Variants in MRPS9 observed in about 807,000 individuals in gnomAD.
MRPS9 encodes mitochondrial ribosomal protein S9.
Under a neutral mutation model 59.9 loss-of-function variants are expected in MRPS9, and 45 were observed. The ratio of observed to expected loss-of-function variants is 0.75; its 90% CI spans 0.59 to 0.96. The LOEUF (loss-of-function observed/expected upper bound fraction) is 0.96. Among genes scored for constraint, MRPS9 ranks in the 40% least tolerant of loss-of-function variants. The pLI, the probability that MRPS9 is intolerant of heterozygous loss-of-function variation, is 0.00. For synonymous variants in MRPS9, 171 were observed against 166.8 expected (o/e 1.03, Z -0.19); for missense variants, 473 against 481.1 (o/e 0.98, Z 0.16).
chr2:105,059,911 C>G (rs1011902233), intron 2 of MRPS9, among the ~76,000 whole-genome samples: 4 of 151,608 alleles, frequency 2.6e-5, no homozygotes, highest in African/African-American at 9.7e-5. Context: ...CCACCTTCCC[C>G]CAGTGATTTT....
At chr2:105,055,817 A>G (rs985398873) in intron 2 of MRPS9, among the ~76,000 whole-genome samples, 1 of 152,230 alleles carries the variant, frequency 6.6e-6, no homozygotes, top group East Asian at 1.9e-4. Context: ...ATGAGTCAGC[A>G]TTTCCATGCT....
At chr2:105,096,141 G>A (rs991518571) in intron 9 of MRPS9, among the ~76,000 whole-genome samples, 2 of 151,966 alleles carry the variant, frequency 1.3e-5, no homozygotes, top group Non-Finnish European at 2.9e-5. Flanking sequence ...TATAAATTCC[G>A]ATTTGCTATG....
intron 1 of MRPS9, among the ~76,000 whole-genome samples, chr2:105,042,118 A>G (rs1184420670): frequency 5.9e-5 from 9 of 152,234 alleles, no homozygotes; most frequent in Admixed American, 5.9e-4. Flanking sequence ...TTTGTTATCT[A>G]CAGTTTCTGT....
intron 2 of MRPS9, among the ~76,000 whole-genome samples, chr2:105,050,564 T>G (rs1301658782): frequency 6.6e-6 from 1 of 152,230 alleles, no homozygotes; most frequent in Non-Finnish European, 1.5e-5. Flanking sequence ...CATAAAGAGA[T>G]GCTATTCTTC....
chr2:105,059,087 T>C (rs1171891008), intron 2 of MRPS9, among the ~76,000 whole-genome samples: 1 of 151,180 alleles, frequency 6.6e-6, no homozygotes, highest in Non-Finnish European at 1.5e-5. Flanking sequence ...TTTTTTTTTT[T>C]GGTGACCAAC....
chr2:105,054,254 A>G (rs1679761026), intron 2 of MRPS9, among the ~76,000 whole-genome samples: 1 of 152,218 alleles, frequency 6.6e-6, no homozygotes, highest in Non-Finnish European at 1.5e-5. Flanking sequence ...ACAGTAATAA[A>G]TACCATCTGC....
intron 1 of MRPS9, among the ~76,000 whole-genome samples, chr2:105,041,042 G>A (rs975881327): frequency 2.0e-5 from 3 of 152,132 alleles, no homozygotes; most frequent in African/African-American, 7.2e-5. Context: ...GTGAGAGAAT[G>A]GTGCAGAGAC....
In MRPS9 at chr2:105,089,046, G is replaced by T. The variant is rs761646174; in HGVS notation, c.552G>T (p.Leu184=). ...AAAGTCACTTGCAAGCCAAAAGTCT[G>T]CTCCCAGAAAAAACTGTAACCAGGT... ...KHQSHLQAKS[L]LPEKTVTRDV... Residue 184 remains leucine, a synonymous_variant, in exon 6 of 11, where the codon CTG becomes CTT. Transcript: ENST00000258455. The T allele has an allele frequency of 1.6e-5, 26 of 1,611,038 alleles. No homozygotes were observed. The highest frequency in any genetic ancestry group is 1.9e-5 in the Non-Finnish European group (22 of 1,178,326).
intron 4 of MRPS9, among the ~76,000 whole-genome samples, chr2:105,073,288 C>T (rs1680147696): frequency 6.6e-6 from 1 of 152,110 alleles, no homozygotes; most frequent in African/African-American, 2.4e-5. Flanking sequence ...TTGTTACTAG[C>T]AGCCAGGTTG....
intron 2 of MRPS9, among the ~76,000 whole-genome samples, chr2:105,061,109 C>CAAAAAAAAAAAA (rs751155585): frequency 2.1e-5 from 1 of 47,980 alleles, no homozygotes; most frequent in Non-Finnish European, 3.8e-5. Context: ...GACTCTGTCT[C>CAAAAAAAAAAAA]AAAAAAAAAA....
chr2:105,064,358 G>A lies in MRPS9; in HGVS notation c.316-6955G>A, dbSNP rs577289925. ...CAGGACCAGAATTATGGCTAGGCCA[G>A]ATTGAAATCTGGGGAAGAAAGCAGT... On this transcript the variant is annotated intron_variant, in intron 2 of 10. Coordinates refer to ENST00000258455, the MANE Select transcript of MRPS9 (RefSeq NM_182640.3). Among the ~76,000 whole-genome samples the A allele has an allele frequency of 5.9e-5, 9 of 152,302 alleles. No homozygotes were observed. The South Asian group carries it at 1.9e-3, about 32-fold the overall frequency.
At chr2:105,071,856 T>C (rs1680121972) in intron 4 of MRPS9, among the ~76,000 whole-genome samples, 1 of 152,178 alleles carries the variant, frequency 6.6e-6, no homozygotes, top group Non-Finnish European at 1.5e-5. Context: ...TGACTGTAGA[T>C]TTTCTTTTCT....
At chr2:105,044,904 G>A (rs989357665) in intron 1 of MRPS9, among the ~76,000 whole-genome samples, 6 of 152,178 alleles carry the variant, frequency 3.9e-5, no homozygotes, top group Non-Finnish European at 7.3e-5. Flanking sequence ...AGTTGAGTGA[G>A]GAGGAGCTCT....
intron 10 of MRPS9, among the ~76,000 whole-genome samples, chr2:105,097,621 T>C (rs185607387): frequency 1.3e-5 from 2 of 152,342 alleles, no homozygotes; most frequent in Non-Finnish European, 2.9e-5. Flanking sequence ...CATAACCTTT[T>C]ATCCAGCTTA....
chr2:105,064,584 CGATGTGGAAGCTGAAGGCAGTGACAAG>C (rs1190776874), intron 2 of MRPS9, among the ~76,000 whole-genome samples: 1 of 152,018 alleles, frequency 6.6e-6, no homozygotes, highest in Non-Finnish European at 1.5e-5. Flanking sequence ...GTGCTGTGAG[CGATGTGGAAGCTGAAGGCAGTGACAAG>C]GATGGGGAGG....
intron 5 of MRPS9, among the ~76,000 whole-genome samples, chr2:105,085,283 A>G (rs1422311600): frequency 2.6e-5 from 4 of 152,254 alleles, no homozygotes; most frequent in South Asian, 2.1e-4. Context: ...TTGATTTTGT[A>G]TATGCCAGTG....
intron 9 of MRPS9, 44 bp downstream of exon 9, chr2:105,093,682 T>A: frequency 1.1e-6 from 1 of 906,630 alleles, no homozygotes; most frequent in Non-Finnish European, 1.7e-6. Flanking sequence ...GGAAACATAC[T>A]TTATAATACA....
At chr2:105,069,275 C>A (rs1245205720) in intron 2 of MRPS9, among the ~76,000 whole-genome samples, 1 of 147,302 alleles carries the variant, frequency 6.8e-6, no homozygotes, top group East Asian at 2.0e-4. Context: ...CGTGCAATGG[C>A]GCGATCTCAG....
intron 7 of MRPS9, chr2:105,091,286 G>T (rs1325462428): frequency 2.1e-6 from 1 of 471,076 alleles, no homozygotes; most frequent in South Asian, 1.5e-5. Context: ...TAGTTCAGAA[G>T]CAAGGCTGAG....
Sources: gnomAD v4.1 joint callset for allele counts (sites outside exome capture counted in the v4.1 genomes callset) on GRCh38, gnomAD v4.1.1 for gene constraint, MANE v1.5 for transcripts, NCBI Gene and HGNC (gene_info 2026-07-23, HGNC 2026-07-21) for gene names.